The following SPAG9 variants were observed in gnomAD, a reference collection of about 807,000 sequenced individuals.
The protein encoded by SPAG9 is C-Jun-amino-terminal kinase-interacting protein 4.
In SPAG9, 35 loss-of-function variants were observed where a neutral mutation model predicts 166.5. The observed-to-expected ratio is 0.21, with a 90% CI of 0.16 to 0.28. The LOEUF (loss-of-function observed/expected upper bound fraction) is 0.28, where lower values mean the gene tolerates loss of function less well. Among genes scored for constraint, SPAG9 ranks in the 10% least tolerant of loss-of-function variants. The pLI is 1.00. For synonymous variants in SPAG9, 534 were observed against 565.5 expected, an observed-to-expected ratio of 0.94 and a Z score of 0.79; for missense variants, 1,235 against 1,603.3, an observed-to-expected ratio of 0.77 and a Z score of 3.92.
At chr17:51,072,594 G>C (rs781158859) in intron 2 of SPAG9, among the ~76,000 whole-genome samples, 2 of 151,754 alleles carry the variant, frequency 1.3e-5, no homozygotes, top group Non-Finnish European at 2.9e-5. Flanking sequence ...GAGGCAGAAA[G>C]AATCTCTTGA....
At chr17:50,970,331 T>C (rs529388013) in intron 29 of SPAG9, among the ~76,000 whole-genome samples, 25 of 152,124 alleles carry the variant, frequency 1.6e-4, no homozygotes, top group Non-Finnish European at 3.1e-4. Context: ...CTGGCCAACA[T>C]GGTGAAACCT....
intron 4 of SPAG9, chr17:51,046,611 G>A (rs561266951): frequency 2.6e-6 from 4 of 1,535,994 alleles, no homozygotes; most frequent in African/African-American, 1.4e-5. Context: ...AATGACCACC[G>A]CCCCGCCAAC....
In SPAG9 at chr17:51,077,033, T is replaced by TCTAGCTATCTAGCTATCTAG. The variant is rs1471414317; in HGVS notation, c.424+2531_424+2550dup. Among the ~76,000 whole-genome samples, 190 of 94,530 alleles carry TCTAGCTATCTAGCTATCTAG rather than the reference T, an allele frequency of 2.0e-3. 6 individuals are homozygous for TCTAGCTATCTAGCTATCTAG. Among genetic ancestry groups the TCTAGCTATCTAGCTATCTAG allele is most frequent in the Non-Finnish European group, 4.0e-3 (163 of 40,886 alleles). 62.0% of individuals were successfully genotyped at this position (94,530 alleles called of 152,430 possible). On this transcript the variant is annotated intron_variant, in intron 2 of 29. Transcript: ENST00000262013. ...AGCTAGCTAGCTATCTAGCTATCTA[T>TCTAGCTATCTAGCTATCTAG]CTAGCTATCTAGCTATCTAGCTAGC...
At chr17:50,989,636 C>A (rs1357706054) in intron 21 of SPAG9, 41 bp downstream of exon 21, 1 of 1,517,406 alleles carries the variant, frequency 6.6e-7, no homozygotes, top group African/African-American at 1.4e-5. Context: ...TTTATTTGTG[C>A]ACTTCACCCA....
In SPAG9 at chr17:50,979,987, T is replaced by G. The variant is rs1974475964; in HGVS notation, c.3238-70A>C. 5 of 1,447,198 alleles carry G rather than the reference T, an allele frequency of 3.5e-6. No individual in the cohort carries two copies. The Admixed American group carries it at 7.1e-5, about 21-fold the overall frequency. 89.6% of individuals were successfully genotyped at this position (1,447,198 alleles called of 1,614,324 possible). ...ATTTCATATTTAAAACTGTGCTAATTTGCACAAGTTAGCAGACTATTAAAA... is the reference window on the plus strand; with the variant it reads ...ATTTCATATTTAAAACTGTGCTAATGTGCACAAGTTAGCAGACTATTAAAA... On this transcript the variant is annotated intron_variant, in intron 25 of 29. Transcript: ENST00000262013.
chr17:51,096,616 G>A (rs1318702271), intron 1 of SPAG9, among the ~76,000 whole-genome samples: 1 of 152,028 alleles, frequency 6.6e-6, no homozygotes, highest in Non-Finnish European at 1.5e-5. Flanking sequence ...CATATGCACC[G>A]AATGTTACTA....
rs1410931426 is a variant in SPAG9 at position 51,120,676 on chromosome 17, G to A, written c.-20C>T. On this transcript the variant is annotated 5_prime_UTR_variant, in exon 1 of 30. Transcript: ENST00000262013. The surrounding 1 kb of genome is among the most constrained non-coding windows in gnomAD (Gnocchi z 4.7). ...CTCCATGGTGGCAAGCGGACGGGCG[G>A]GCGGCCCGGGGCGTCGCCGGCAGAG... The A allele has an allele frequency of 6.5e-7, 1 of 1,545,672 alleles. No individual in the cohort carries two copies. Among genetic ancestry groups the A allele is most frequent in the South Asian group, 1.2e-5 (1 of 84,544 alleles).
chr17:51,100,340 C>T (rs968155992), intron 1 of SPAG9, among the ~76,000 whole-genome samples: 3 of 145,934 alleles, frequency 2.1e-5, no homozygotes, highest in African/African-American at 7.4e-5. Context: ...CACAGTGGCT[C>T]ACACCTATAA....
chr17:51,075,219 A>AAAAG (rs2047936339), intron 2 of SPAG9, among the ~76,000 whole-genome samples: 2 of 147,830 alleles, frequency 1.4e-5, no homozygotes, highest in Non-Finnish European at 3.0e-5. Context: ...AAAAAAAAAA[A>AAAAG]AAGAAGAAGA....
At chr17:51,048,212 C>T (rs1158395543) in intron 3 of SPAG9, among the ~76,000 whole-genome samples, 2 of 152,044 alleles carry the variant, frequency 1.3e-5, no homozygotes, top group African/African-American at 4.8e-5. Context: ...CATAAACTGC[C>T]AAGAACTTCT....
chr17:50,993,902 ATTC>A lies in SPAG9; in HGVS notation c.2257_2259del (p.Glu753del), dbSNP rs763614987. ...GTACAGATCCAAACTAGACTGGATA[ATTC>A]TTCTTGATTTTTTAACTCCTTCTGC... On this transcript the variant is annotated inframe_deletion, in exon 19 of 30. Coordinates refer to ENST00000262013, the MANE Select transcript of SPAG9 (RefSeq NM_001130528.3). The A allele has an allele frequency of 8.1e-6, 13 of 1,614,068 alleles. No individual in the cohort carries two copies. The highest frequency in any genetic ancestry group is 2.2e-5 in the East Asian group (1 of 44,898).
At chr17:50,995,385 TAGAA>T in intron 17 of SPAG9, 55 bp downstream of exon 17, 1 of 1,465,640 alleles carries the variant, frequency 6.8e-7, no homozygotes, top group Non-Finnish European at 9.4e-7. Flanking sequence ...TTTTTGGTTT[TAGAA>T]AAAAAACTAC....
chr17:51,062,275 C>T (rs187542669), intron 2 of SPAG9, among the ~76,000 whole-genome samples: 211 of 152,316 alleles, frequency 1.4e-3, no homozygotes, highest in African/African-American at 4.8e-3. Flanking sequence ...TACACTGACA[C>T]ATGCTTATCA....
At chr17:51,028,785 G>T (rs1448705413) in intron 6 of SPAG9, among the ~76,000 whole-genome samples, 1 of 152,098 alleles carries the variant, frequency 6.6e-6, no homozygotes, top group African/African-American at 2.4e-5. Flanking sequence ...AAAGTTCCAG[G>T]GGAGTTGCAT....
chr17:50,976,362 T>C (rs1210095127), intron 27 of SPAG9, among the ~76,000 whole-genome samples: 2 of 152,188 alleles, frequency 1.3e-5, no homozygotes, highest in African/African-American at 2.4e-5. Flanking sequence ...AAATATGATT[T>C]ATAAGTAACT....
chr17:50,975,638 G>A (rs1218282387), intron 27 of SPAG9, among the ~76,000 whole-genome samples: 1 of 151,602 alleles, frequency 6.6e-6, no homozygotes, highest in Non-Finnish European at 1.5e-5. Flanking sequence ...AAGTCTGAAA[G>A]AAAGTTCAGC....
chr17:51,064,619 A>C (rs2047609460), intron 2 of SPAG9, among the ~76,000 whole-genome samples: 1 of 152,202 alleles, frequency 6.6e-6, no homozygotes, highest in African/African-American at 2.4e-5. Context: ...TGATCCTATT[A>C]TTATGAAATG....
chr17:50,975,120 T>G, intron 27 of SPAG9, 173 bp from the exon 28 acceptor site: 8 of 552,232 alleles, frequency 1.4e-5, no homozygotes, highest in Non-Finnish European at 2.1e-5. Flanking sequence ...TACAGCATGC[T>G]AGTTATTTTT....
intron 10 of SPAG9, among the ~76,000 whole-genome samples, chr17:51,006,690 T>A (rs1385403346): frequency 6.6e-6 from 1 of 152,212 alleles, no homozygotes; most frequent in African/African-American, 2.4e-5. Flanking sequence ...TTATTATAAC[T>A]GCATTCTGTC....
Sources: allele counts gnomAD v4.1 joint callset (sites outside exome capture counted in the v4.1 genomes callset), GRCh38; gene constraint gnomAD v4.1.1; non-coding constraint Gnocchi (gnomAD v3.1); transcripts MANE v1.5; gene names NCBI Gene and HGNC (gene_info 2026-07-23, HGNC 2026-07-21).